PALM2AKAP2: variants seen among roughly 807,000 people sequenced by gnomAD.
The protein encoded by PALM2AKAP2 is PALM2-AKAP2 fusion protein.
PALM2AKAP2 carries 37 observed loss-of-function variants against 71.5 expected under a neutral mutation model. The observed-to-expected ratio is 0.52, with a 90% CI of 0.40 to 0.68. The LOEUF is 0.68. PALM2AKAP2 is among the 30% of genes least tolerant of loss of function. PALM2AKAP2 has a pLI of 0.00. For synonymous variants in PALM2AKAP2, 468 were observed against 478.8 expected, an observed-to-expected ratio of 0.98 and a Z score of 0.29; for missense variants, 1,224 against 1,191.8, an observed-to-expected ratio of 1.03 and a Z score of -0.40.
chr9:110,163,756 A>C (rs1836663348), intron 3 of PALM2AKAP2, among the ~76,000 whole-genome samples: 1 of 152,294 alleles, frequency 6.6e-6, no homozygotes, highest in Non-Finnish European at 1.5e-5. Flanking sequence ...CATTGAATGA[A>C]TATATCACTA....
intron 7 of PALM2AKAP2, among the ~76,000 whole-genome samples, chr9:110,035,138 T>C (rs1393843454): frequency 1.3e-5 from 2 of 149,650 alleles, no homozygotes; most frequent in Non-Finnish European, 3.0e-5. Context: ...AAGTGCTTTT[T>C]TTTCTGCCTA....
At chr9:109,660,879 T>G (rs1401743709) in intron 1 of PALM2AKAP2, among the ~76,000 whole-genome samples, 2 of 152,208 alleles carry the variant, frequency 1.3e-5, no homozygotes, top group African/African-American at 4.8e-5. Flanking sequence ...TGAGATGGTA[T>G]CTCATTGTGG....
intron 1 of PALM2AKAP2, among the ~76,000 whole-genome samples, chr9:109,735,420 A>G (rs1828615538): frequency 6.6e-6 from 1 of 151,712 alleles, no homozygotes; most frequent in Admixed American, 6.6e-5. Flanking sequence ...GCATCTGGGG[A>G]GTCTGGGTTA....
intron 1 of PALM2AKAP2, among the ~76,000 whole-genome samples, chr9:109,726,147 A>G (rs1379781433): frequency 1.3e-5 from 2 of 152,196 alleles, no homozygotes; most frequent in Non-Finnish European, 2.9e-5. Flanking sequence ...CTCCCTCTAT[A>G]GAAGCCAGAC....
At position 110,032,560 on chromosome 9, in the gene PALM2AKAP2, G is replaced by A. The variant is rs1411310589; in HGVS notation, c.582+16521G>A. 3.3e-5 allele frequency among the ~76,000 whole-genome samples: 5 copies of A among 151,742 alleles called. No homozygotes were observed. The South Asian group carries it at 8.3e-4, about 25-fold the overall frequency. ...ACAAAAATTAGCTGGGCATGGTGGC[G>A]CGTGCCTGTAGTCCCAGCCACTCGG... On this transcript the variant is annotated intron_variant, in intron 7 of 9. Transcript: ENST00000302798.
At chr9:109,701,927 A>G (rs1400409574) in intron 1 of PALM2AKAP2, among the ~76,000 whole-genome samples, 5 of 152,184 alleles carry the variant, frequency 3.3e-5, no homozygotes, top group Admixed American at 2.0e-4. Flanking sequence ...AAAAGTGGGC[A>G]AAGGATATGA....
intron 1 of PALM2AKAP2, among the ~76,000 whole-genome samples, chr9:109,807,882 G>C (rs563690415): frequency 6.6e-6 from 1 of 152,282 alleles, no homozygotes; most frequent in Admixed American, 6.5e-5. Flanking sequence ...TAGTGAGTGA[G>C]TTCTCACAAG....
chr9:109,993,840 C>G (rs1215424580), intron 6 of PALM2AKAP2, among the ~76,000 whole-genome samples: 1 of 151,698 alleles, frequency 6.6e-6, no homozygotes, highest in Non-Finnish European at 1.5e-5. Context: ...CTCTTTTACT[C>G]TCTCCCCCTC....
At chr9:109,998,348 T>A (rs142140856) in intron 6 of PALM2AKAP2, among the ~76,000 whole-genome samples, 1 of 152,120 alleles carries the variant, frequency 6.6e-6, no homozygotes, top group African/African-American at 2.4e-5. Flanking sequence ...GGCTCCAGAC[T>A]TCCTCAAAGT....
At chr9:109,954,274 A>G (rs182230835) in intron 6 of PALM2AKAP2, among the ~76,000 whole-genome samples, 1 of 152,264 alleles carries the variant, frequency 6.6e-6, no homozygotes, top group East Asian at 1.9e-4. Flanking sequence ...ATAACAGCAA[A>G]GAGGAACAGC....
At chr9:109,830,352 T>C (rs905378383) in intron 1 of PALM2AKAP2, among the ~76,000 whole-genome samples, 1 of 152,120 alleles carries the variant, frequency 6.6e-6, no homozygotes, top group Non-Finnish European at 1.5e-5. Flanking sequence ...TGTAAACATG[T>C]TTTGTATGTG....
chr9:109,710,658 A>G (rs1828220142), intron 1 of PALM2AKAP2, among the ~76,000 whole-genome samples: 1 of 152,196 alleles, frequency 6.6e-6, no homozygotes, highest in South Asian at 2.1e-4. Context: ...GACAGAGTAC[A>G]GTGCTTGGTT....
At chr9:109,879,842 C>T (rs780616669) in intron 2 of PALM2AKAP2, among the ~76,000 whole-genome samples, 78 of 152,092 alleles carry the variant, frequency 5.1e-4, no homozygotes, top group Middle Eastern at 3.4e-3. Context: ...GGACTACAGG[C>T]GTGCACCACC....
chr9:110,058,627 C>T (rs1022790594), intron 1 of PALM2AKAP2, among the ~76,000 whole-genome samples: 12 of 152,126 alleles, frequency 7.9e-5, no homozygotes, highest in Admixed American at 6.6e-4. Context: ...TCCCTGCCTG[C>T]GTGGATCCAC....
At chr9:110,002,988 G>A (rs147592189) in intron 6 of PALM2AKAP2, among the ~76,000 whole-genome samples, 2,750 of 152,164 alleles carry the variant, frequency 0.018, 67 homozygotes, top group Middle Eastern at 0.051. Context: ...ACCACCTCCC[G>A]GATTCATTGA....
At chr9:110,047,476 C>G (rs569927292), upstream of PALM2AKAP2, among the ~76,000 whole-genome samples, 1 of 152,290 alleles carries the variant, frequency 6.6e-6, no homozygotes, top group Non-Finnish European at 1.5e-5. Context: ...TAGAATCAGG[C>G]CATGGCTATT....
intron 1 of PALM2AKAP2, among the ~76,000 whole-genome samples, chr9:109,668,183 G>A (rs1827518757): frequency 4.8e-5 from 1 of 20,768 alleles, no homozygotes; most frequent in Admixed American, 3.4e-4. Flanking sequence ...TGATCCGCCC[G>A]CCTCGGCCTC....
intron 1 of PALM2AKAP2, among the ~76,000 whole-genome samples, chr9:109,646,180 T>C (rs1162256577): frequency 6.6e-6 from 1 of 152,174 alleles, no homozygotes; most frequent in Non-Finnish European, 1.5e-5. Context: ...ATGTCAGTGT[T>C]CTTGTGTGGT....
At chr9:109,879,797 A>T (rs565303624) in intron 2 of PALM2AKAP2, among the ~76,000 whole-genome samples, 1 of 151,910 alleles carries the variant, frequency 6.6e-6, no homozygotes, top group Non-Finnish European at 1.5e-5. Context: ...ACCTGGCTCA[A>T]GCGATCCTCC....
Sources: allele counts gnomAD v4.1 joint callset (sites outside exome capture counted in the v4.1 genomes callset), GRCh38; gene constraint gnomAD v4.1.1; transcripts MANE v1.5; gene names NCBI Gene and HGNC (gene_info 2026-07-23, HGNC 2026-07-21).